The following NRXN3 variants were observed in gnomAD, a reference collection of about 807,000 sequenced individuals.
NRXN3 encodes the protein neurexin 3, also known as neurexin III.
NRXN3 carries 32 observed loss-of-function variants against 137.6 expected under a neutral mutation model. That is an observed-to-expected ratio of 0.23 (90% CI 0.18 to 0.31). The LOEUF is 0.31. NRXN3 is among the 10% of genes least tolerant of loss of function. NRXN3 has a pLI of 1.00. For missense variants in NRXN3, 1,574 were observed against 2,062.5 expected, an observed-to-expected ratio of 0.76 and a Z score of 4.59; for synonymous variants, 798 against 784.5, an observed-to-expected ratio of 1.02 and a Z score of -0.29.
chr14:78,983,996 T>C (rs1419558354), intron 14 of NRXN3, among the ~76,000 whole-genome samples: 3 of 150,306 alleles, frequency 2.0e-5, no homozygotes, highest in Non-Finnish European at 4.4e-5. Flanking sequence ...ATCTCACTTA[T>C]ATGTGGAATC....
chr14:78,199,517 C>T (rs2061495479), intron 1 of NRXN3, among the ~76,000 whole-genome samples: 1 of 152,140 alleles, frequency 6.6e-6, no homozygotes, highest in African/African-American at 2.4e-5. Context: ...TATCATATTT[C>T]TCCATATTAC....
chr14:79,292,699 G>C (rs968437447), intron 15 of NRXN3, among the ~76,000 whole-genome samples: 4 of 152,200 alleles, frequency 2.6e-5, no homozygotes, highest in Admixed American at 2.6e-4. Context: ...TAATGAATAC[G>C]TTAAGAGGGG....
intron 15 of NRXN3, among the ~76,000 whole-genome samples, chr14:79,046,010 G>A (rs1202670088): frequency 6.6e-6 from 1 of 152,154 alleles, no homozygotes; most frequent in Non-Finnish European, 1.5e-5. Flanking sequence ...ACCCTGATGT[G>A]ATTGTATGAA....
intron 4 of NRXN3, among the ~76,000 whole-genome samples, chr14:78,538,464 G>T (rs2096557251): frequency 6.6e-6 from 1 of 152,158 alleles, no homozygotes; most frequent in African/African-American, 2.4e-5. Context: ...CATTGATTTT[G>T]TATCCTGAGA....
At chr14:79,136,480 C>A (rs996487348) in intron 15 of NRXN3, among the ~76,000 whole-genome samples, 1 of 152,206 alleles carries the variant, frequency 6.6e-6, no homozygotes, top group African/African-American at 2.4e-5. Context: ...TTCTCCTCTA[C>A]TTCTCTGTTT....
At position 78,643,293 on chromosome 14, in the gene NRXN3, C is replaced by T. The variant is rs547233802; in HGVS notation, c.758-1827C>T. Among the ~76,000 whole-genome samples, 187 of 152,070 alleles carry T rather than the reference C, an allele frequency of 1.2e-3. 1 individual carries two copies. The highest frequency in any genetic ancestry group is 4.2e-3 in the African/African-American group (176 of 41,466). ...GGTTAATTAGCCTGGAGTGTAGTTC[C>T]GGCAGGGAAAATATAATTCTCTCAA... On this transcript the variant is annotated intron_variant, in intron 4 of 20. Transcript: ENST00000335750.
intron 16 of NRXN3, chr14:79,632,231 A>T (rs2098360451): frequency 6.5e-6 from 1 of 153,018 alleles, no homozygotes. Flanking sequence ...CGAACATCGG[A>T]AGGAACAAAC....
At chr14:79,507,173 A>C (rs1172255208) in intron 16 of NRXN3, among the ~76,000 whole-genome samples, 2 of 152,310 alleles carry the variant, frequency 1.3e-5, no homozygotes, top group Non-Finnish European at 2.9e-5. Context: ...TTAACACGGA[A>C]GCTAACTTGG....
At chr14:78,517,360 G>A (rs186604425) in intron 4 of NRXN3, among the ~76,000 whole-genome samples, 3 of 152,214 alleles carry the variant, frequency 2.0e-5, no homozygotes, top group African/African-American at 7.2e-5. Context: ...TCCTAATTCT[G>A]CCCTTGCCTA....
At chr14:79,180,041 T>C (rs2062754238) in intron 15 of NRXN3, among the ~76,000 whole-genome samples, 1 of 152,214 alleles carries the variant, frequency 6.6e-6, no homozygotes, top group African/African-American at 2.4e-5. Flanking sequence ...TAGTAAAATG[T>C]ATAGGTTGCT....
At chr14:78,995,807 T>G (rs1238902432) in intron 15 of NRXN3, among the ~76,000 whole-genome samples, 1 of 152,188 alleles carries the variant, frequency 6.6e-6, no homozygotes, top group Non-Finnish European at 1.5e-5. Context: ...AAAAGACTAT[T>G]TGAAGAACTG....
intron 3 of NRXN3, among the ~76,000 whole-genome samples, chr14:78,296,022 T>C (rs894529451): frequency 6.6e-6 from 1 of 151,896 alleles, no homozygotes; most frequent in Non-Finnish European, 1.5e-5. Flanking sequence ...CAGATCTTCC[T>C]TATTCTTTTC....
intron 4 of NRXN3, among the ~76,000 whole-genome samples, chr14:78,324,149 T>C (rs1346517467): frequency 6.6e-6 from 1 of 152,104 alleles, no homozygotes; most frequent in Non-Finnish European, 1.5e-5. Context: ...CACTATGCTC[T>C]GCAGCCTTCA....
chr14:79,848,948 C>T (rs1414928378), intron 20 of NRXN3, among the ~76,000 whole-genome samples: 1 of 152,128 alleles, frequency 6.6e-6, no homozygotes, highest in African/African-American at 2.4e-5. Context: ...CTTTGGATTC[C>T]CCAAACTTGC....
intron 1 of NRXN3, among the ~76,000 whole-genome samples, chr14:78,203,820 GTGTGTGTGTGTGTGTGTGGTT>G (rs202132670): frequency 0.014 from 1,639 of 115,050 alleles, 32 homozygotes; most frequent in African/African-American, 0.047. Flanking sequence ...GTGTGTGTGT[GTGTGTGTGTGTGTGTGTGGTT>G]TGTGTGTGTG....
chr14:79,164,555 T>G (rs2153074995), intron 15 of NRXN3, among the ~76,000 whole-genome samples: 1 of 152,138 alleles, frequency 6.6e-6, no homozygotes, highest in Middle Eastern at 3.4e-3. Context: ...TACCAAATAT[T>G]TTTGAAATGC....
intron 15 of NRXN3, among the ~76,000 whole-genome samples, chr14:79,456,376 A>G (rs1429198070): frequency 1.3e-5 from 2 of 152,178 alleles, no homozygotes; most frequent in Admixed American, 6.5e-5. Flanking sequence ...CTAGTTGTGA[A>G]AGAACCCAAA....
chr14:78,933,493 T>C (rs1269931544), intron 10 of NRXN3, among the ~76,000 whole-genome samples: 1 of 152,264 alleles, frequency 6.6e-6, no homozygotes, highest in Non-Finnish European at 1.5e-5. Context: ...TTGGGGGTTC[T>C]CTGCAACTGT....
At chr14:79,496,256 GACACAC>G (rs72461338) in intron 16 of NRXN3, among the ~76,000 whole-genome samples, 5,262 of 140,224 alleles carry the variant, frequency 0.038, 291 homozygotes, top group African/African-American at 0.13. Context: ...CACACACACA[GACACAC>G]ACACACACAC....
Sources: gnomAD v4.1 joint callset for allele counts (sites outside exome capture counted in the v4.1 genomes callset) on GRCh38, gnomAD v4.1.1 for gene constraint, MANE v1.5 for transcripts, NCBI Gene and HGNC (gene_info 2026-07-23, HGNC 2026-07-21) for gene names.